The following B3GALT1 variants were observed in gnomAD, a reference collection of about 807,000 sequenced individuals.
B3GALT1 encodes the protein UDP-Gal:betaGlcNAc beta 1,3-galactosyltransferase, polypeptide 1.
A neutral mutation model predicts 23.2 loss-of-function variants in B3GALT1; 10 were observed. The ratio of observed to expected loss-of-function variants is 0.43; its 90% CI spans 0.27 to 0.73. The LOEUF is 0.73. Ranked by LOEUF, B3GALT1 falls within the 30% of genes least tolerant of loss-of-function variation. The pLI is 0.21. For synonymous variants in B3GALT1, 156 were observed against 141.5 expected (o/e 1.10, Z -0.73); for missense variants, 299 against 405.4 (o/e 0.74, Z 2.25).
chr2:167,653,330 T>C (rs1318506011), intron 3 of B3GALT1, among the ~76,000 whole-genome samples: 2 of 152,160 alleles, frequency 1.3e-5, no homozygotes, highest in Admixed American at 6.6e-5. Context: ...CTAATGATTA[T>C]TGCTAATTTT....
rs74410458 is a variant in B3GALT1 at position 167,580,015 on chromosome 2, A to G, written c.-409-66894A>G. ...TTGACAAATTAGGTTAATGCTTCCC[A>G]GATGCCAATCATTCTTGCATCATCT... On this transcript the variant is annotated intron_variant, in intron 2 of 4. Transcript: ENST00000392690. 4.2e-3 allele frequency among the ~76,000 whole-genome samples: 639 copies of G among 152,282 alleles called. 4 individuals carry two copies. Among genetic ancestry groups the G allele is most frequent in the African/African-American group, 0.015 (605 of 41,568 alleles).
At chr2:167,621,833 C>T (rs1033226319) in intron 2 of B3GALT1, among the ~76,000 whole-genome samples, 5 of 151,998 alleles carry the variant, frequency 3.3e-5, no homozygotes, top group Non-Finnish European at 5.9e-5. Flanking sequence ...ATGTTTGCTT[C>T]CCCTTCTACC....
intron 2 of B3GALT1, among the ~76,000 whole-genome samples, chr2:167,623,114 AAAC>A: frequency 6.6e-6 from 1 of 152,270 alleles, no homozygotes; most frequent in East Asian, 1.9e-4. Context: ...AAAAGTCAAG[AAAC>A]AACAGATGCT....
At chr2:167,430,826 T>C (rs1158611979) in intron 1 of B3GALT1, among the ~76,000 whole-genome samples, 2 of 152,188 alleles carry the variant, frequency 1.3e-5, no homozygotes, top group African/African-American at 2.4e-5. Context: ...GCAAAAGTGA[T>C]GGCATACCCC....
At chr2:167,447,914 C>T (rs907399894) in intron 1 of B3GALT1, among the ~76,000 whole-genome samples, 10 of 152,064 alleles carry the variant, frequency 6.6e-5, no homozygotes, top group Admixed American at 4.6e-4. Context: ...TTGGAAATGC[C>T]GAAATCACCC....
At chr2:167,835,862 C>T (rs564717851) in intron 4 of B3GALT1, among the ~76,000 whole-genome samples, 13 of 152,264 alleles carry the variant, frequency 8.5e-5, no homozygotes, top group South Asian at 2.1e-4. Context: ...GCAGCGTTCA[C>T]GGTTCACGAA....
intron 3 of B3GALT1, among the ~76,000 whole-genome samples, chr2:167,658,719 C>G (rs1004357628): frequency 1.3e-5 from 2 of 151,956 alleles, no homozygotes; most frequent in African/African-American, 2.4e-5. Context: ...CATTTACTGC[C>G]TCATATCTAC....
At chr2:167,548,712 GTGTGTA>G (rs1371689422) in intron 2 of B3GALT1, among the ~76,000 whole-genome samples, 4 of 148,298 alleles carry the variant, frequency 2.7e-5, no homozygotes, top group African/African-American at 1.0e-4. Context: ...GTGTGTGTGT[GTGTGTA>G]TGTGTGTGTC....
intron 1 of B3GALT1, among the ~76,000 whole-genome samples, chr2:167,478,539 A>C (rs1699518669): frequency 6.8e-6 from 1 of 147,282 alleles, no homozygotes; most frequent in Non-Finnish European, 1.5e-5. Context: ...GTGTGAAACC[A>C]ACTTTCTTTT....
At chr2:167,841,701 A>G (rs1009990216) in intron 4 of B3GALT1, among the ~76,000 whole-genome samples, 1 of 152,204 alleles carries the variant, frequency 6.6e-6, no homozygotes, top group Non-Finnish European at 1.5e-5. Context: ...TTTTAGCCAG[A>G]AGCCACTGAG....
intron 4 of B3GALT1, among the ~76,000 whole-genome samples, chr2:167,836,742 G>A (rs957487927): frequency 2.6e-5 from 4 of 152,166 alleles, no homozygotes; most frequent in African/African-American, 9.7e-5. Flanking sequence ...CACCAGAGTT[G>A]AAATGAAGGA....
At chr2:167,757,019 A>C (rs1687829088) in intron 3 of B3GALT1, among the ~76,000 whole-genome samples, 1 of 152,126 alleles carries the variant, frequency 6.6e-6, no homozygotes, top group Non-Finnish European at 1.5e-5. Context: ...CCACTTCTCA[A>C]CCATTTTGTT....
chr2:167,490,552 T>C (rs1298760147), intron 2 of B3GALT1, among the ~76,000 whole-genome samples: 2 of 152,212 alleles, frequency 1.3e-5, no homozygotes, highest in Admixed American at 6.5e-5. Flanking sequence ...TTAGCAGAGA[T>C]TGCAAGGTGT....
At chr2:167,651,811 G>A (rs1025924858) in intron 3 of B3GALT1, among the ~76,000 whole-genome samples, 3 of 152,074 alleles carry the variant, frequency 2.0e-5, no homozygotes, top group East Asian at 1.9e-4. Flanking sequence ...ATTCAGCAAC[G>A]ACCCTAGAGT....
At chr2:167,396,383 A>G (rs976549381) in intron 1 of B3GALT1, among the ~76,000 whole-genome samples, 3 of 151,832 alleles carry the variant, frequency 2.0e-5, no homozygotes, top group Admixed American at 6.6e-5. Context: ...AAATAGAGTG[A>G]GCCTTTGGGG....
At chr2:167,611,649 G>C (rs1221678385) in intron 2 of B3GALT1, among the ~76,000 whole-genome samples, 2 of 151,810 alleles carry the variant, frequency 1.3e-5, no homozygotes, top group Non-Finnish European at 1.5e-5. Context: ...CAGTAAAAGG[G>C]GTATATCTGT....
chr2:167,749,985 A>G (rs1462103129), intron 3 of B3GALT1, among the ~76,000 whole-genome samples: 1 of 152,188 alleles, frequency 6.6e-6, no homozygotes, highest in Admixed American at 6.5e-5. Context: ...GCAAAGAAAA[A>G]AATAAGAAAA....
rs1373726992 is a variant in B3GALT1, at chr2:167,512,622, G to A, written c.-410+22345G>A. Among the ~76,000 whole-genome samples the A allele has an allele frequency of 8.5e-4, 36 of 42,378 alleles. 2 individuals carry two copies. The highest frequency in any genetic ancestry group is 2.5e-3 in the African/African-American group (12 of 4,850). 27.8% of individuals were successfully genotyped at this position (42,378 alleles called of 152,430 possible). A position where few individuals can be genotyped will look rare whatever the true frequency, so the allele number is the denominator to read the frequency against. ...TATATATATATGTATATATATATAC[G>A]TGTATATATATATACATATATATAT... On this transcript the variant is annotated intron_variant, in intron 2 of 4. Transcript: ENST00000392690.
At position 167,442,514 on chromosome 2, in the gene B3GALT1, G is replaced by T. The variant is rs9753395; in HGVS notation, c.-510-47663G>T. On this transcript the variant is annotated intron_variant, in intron 1 of 4. Transcript: ENST00000392690. The stretch of plus-strand genomic sequence containing the variant: ...CCACCAACAGTGTAAAAGTGTTCCT[G>T]TTTCTCCACATCCTCTCCAGCACCT... Among the ~76,000 whole-genome samples, 5 of 150,506 alleles carry T rather than the reference G, an allele frequency of 3.3e-5. No homozygotes were observed. In the East Asian group the frequency reaches 5.8e-4, roughly 17 times the overall value.
Sources: allele counts gnomAD v4.1 joint callset (sites outside exome capture counted in the v4.1 genomes callset), GRCh38; gene constraint gnomAD v4.1.1; transcripts MANE v1.5; gene names NCBI Gene and HGNC (gene_info 2026-07-23, HGNC 2026-07-21).